CTNND2: variants seen among roughly 807,000 people sequenced by gnomAD.
CTNND2 encodes catenin delta 2, also known as catenin delta-2.
In CTNND2, 22 loss-of-function variants were observed where a neutral mutation model predicts 144.4. The ratio of observed to expected loss-of-function variants is 0.15; its 90% CI spans 0.11 to 0.22. The LOEUF (loss-of-function observed/expected upper bound fraction) is 0.22, where lower values mean the gene tolerates loss of function less well. CTNND2 is among the 10% of genes least tolerant of loss of function. CTNND2 has a pLI of 1.00. For synonymous variants in CTNND2, 751 were observed against 695.6 expected (o/e 1.08, Z -1.25); for missense variants, 1,353 against 1,618.8 (o/e 0.84, Z 2.82).
intron 1 of CTNND2, among the ~76,000 whole-genome samples, chr5:11,805,415 T>A (rs1387785315): frequency 2.0e-5 from 3 of 152,040 alleles, no homozygotes; most frequent in Admixed American, 2.0e-4. Context: ...TATTCTTCAA[T>A]AAAAGGAATC....
intron 2 of CTNND2, among the ~76,000 whole-genome samples, chr5:11,589,526 A>G (rs1012302589): frequency 5.3e-5 from 8 of 152,326 alleles, no homozygotes; most frequent in African/African-American, 1.9e-4. Context: ...TACAATTCAA[A>G]GAGAATACAA....
intron 3 of CTNND2, among the ~76,000 whole-genome samples, chr5:11,419,256 T>A (rs1195344932): frequency 6.6e-6 from 1 of 152,020 alleles, no homozygotes; most frequent in Non-Finnish European, 1.5e-5. Flanking sequence ...TATGACAAAA[T>A]GTTAACATTA....
At chr5:11,769,369 G>C (rs950053375) in intron 1 of CTNND2, among the ~76,000 whole-genome samples, 2 of 152,148 alleles carry the variant, frequency 1.3e-5, no homozygotes, top group African/African-American at 4.8e-5. Context: ...ACTACAATAA[G>C]AGCATATCAG....
At chr5:11,008,838 G>A (rs1248052635) in intron 18 of CTNND2, among the ~76,000 whole-genome samples, 1 of 152,146 alleles carries the variant, frequency 6.6e-6, no homozygotes, top group African/African-American at 2.4e-5. Flanking sequence ...AGAAGCCCAG[G>A]GAGTGGACTA....
At chr5:11,829,516 G>A (rs1793778839) in intron 1 of CTNND2, among the ~76,000 whole-genome samples, 1 of 152,184 alleles carries the variant, frequency 6.6e-6, no homozygotes, top group African/African-American at 2.4e-5. Flanking sequence ...GCTTCACAGT[G>A]TACAAAGCCC....
At chr5:11,494,362 C>T (rs1414550964) in intron 3 of CTNND2, among the ~76,000 whole-genome samples, 2 of 152,170 alleles carry the variant, frequency 1.3e-5, no homozygotes, top group South Asian at 4.2e-4. Flanking sequence ...TTCAGTTTTA[C>T]CAATCACTTA....
At chr5:11,157,819 C>T (rs1483860207) in intron 12 of CTNND2, among the ~76,000 whole-genome samples, 1 of 152,192 alleles carries the variant, frequency 6.6e-6, no homozygotes, top group Admixed American at 6.5e-5. Flanking sequence ...TCCTGGCCAG[C>T]AGCAGAAGCA....
At chr5:11,240,523 AAC>A (rs201546785) in intron 9 of CTNND2, among the ~76,000 whole-genome samples, 5,991 of 102,186 alleles carry the variant, frequency 0.059, 275 homozygotes, top group Admixed American at 0.1. Flanking sequence ...ACACACACCC[AAC>A]ACACACACCC....
intron 8 of CTNND2, among the ~76,000 whole-genome samples, chr5:11,357,900 A>G (rs139936698): frequency 1.3e-5 from 2 of 152,236 alleles, no homozygotes; most frequent in African/African-American, 4.8e-5. Flanking sequence ...TAAGTGATAG[A>G]GCATGTCTGG....
intron 15 of CTNND2, among the ~76,000 whole-genome samples, chr5:11,096,521 T>A (rs1209404509): frequency 6.6e-6 from 1 of 152,148 alleles, no homozygotes; most frequent in African/African-American, 2.4e-5. Flanking sequence ...TGCATAGTAT[T>A]CCATGGTGTA....
At chr5:11,207,786 T>C (rs1483719157) in intron 10 of CTNND2, among the ~76,000 whole-genome samples, 4 of 152,216 alleles carry the variant, frequency 2.6e-5, no homozygotes, top group Admixed American at 2.0e-4. Context: ...AACCTGCCAC[T>C]ACTATGGCAT....
At chr5:11,696,312 C>T (rs1371576047) in intron 2 of CTNND2, among the ~76,000 whole-genome samples, 1 of 152,228 alleles carries the variant, frequency 6.6e-6, no homozygotes, top group East Asian at 1.9e-4. Flanking sequence ...TTGTTTCCAA[C>T]TATTTAAAAT....
intron 1 of CTNND2, among the ~76,000 whole-genome samples, chr5:11,830,502 C>A (rs1290934261): frequency 6.6e-6 from 1 of 152,324 alleles, no homozygotes; most frequent in African/African-American, 2.4e-5. Context: ...TCTCCCTTTG[C>A]CTGCTGCCAT....
intron 2 of CTNND2, among the ~76,000 whole-genome samples, chr5:11,616,126 T>C (rs2126404746): frequency 6.6e-6 from 1 of 152,348 alleles, no homozygotes; most frequent in East Asian, 1.9e-4. Flanking sequence ...CTCATGCTCC[T>C]TTGCCAACTA....
intron 9 of CTNND2, among the ~76,000 whole-genome samples, chr5:11,333,991 C>A (rs1002435725): frequency 2.6e-5 from 4 of 152,126 alleles, no homozygotes; most frequent in Admixed American, 2.6e-4. Context: ...TACTTTAATT[C>A]TATGCTGGAT....
intron 2 of CTNND2, among the ~76,000 whole-genome samples, chr5:11,730,084 CT>C (rs1787286827): frequency 1.3e-5 from 2 of 152,124 alleles, no homozygotes; most frequent in African/African-American, 2.4e-5. Context: ...TGTTATTATA[CT>C]TGTGGCACAT....
At chr5:10,985,155 A>G (rs2149490847) in intron 20 of CTNND2, among the ~76,000 whole-genome samples, 1 of 152,318 alleles carries the variant, frequency 6.6e-6, no homozygotes, top group South Asian at 2.1e-4. Context: ...AAAAACAAAC[A>G]GACCATTGGA....
intron 13 of CTNND2, among the ~76,000 whole-genome samples, chr5:11,116,909 A>G (rs1753600893): frequency 6.6e-6 from 1 of 151,862 alleles, no homozygotes; most frequent in Admixed American, 6.6e-5. Flanking sequence ...AATACAAAAA[A>G]ATAGCCGGGT....
At chr5:11,805,188 T>C (rs1791924385) in intron 1 of CTNND2, among the ~76,000 whole-genome samples, 1 of 152,160 alleles carries the variant, frequency 6.6e-6, no homozygotes, top group South Asian at 2.1e-4. Flanking sequence ...GAGAACAGAA[T>C]GATCCAGGAG....
Sources: allele counts gnomAD v4.1 joint callset (sites outside exome capture counted in the v4.1 genomes callset), GRCh38; gene constraint gnomAD v4.1.1; transcripts MANE v1.5; gene names NCBI Gene and HGNC (gene_info 2026-07-23, HGNC 2026-07-21).